PDZRN4: variants seen among roughly 807,000 people sequenced by gnomAD.
PDZRN4 encodes PDZ domain containing ring finger 4.
PDZRN4 carries 70 observed loss-of-function variants against 99.0 expected under a neutral mutation model. The ratio of observed to expected loss-of-function variants is 0.71; its 90% CI spans 0.58 to 0.86. The LOEUF (loss-of-function observed/expected upper bound fraction) is 0.86. Ranked by LOEUF, PDZRN4 falls within the 40% of genes least tolerant of loss-of-function variation. The pLI, the probability that PDZRN4 is intolerant of heterozygous loss-of-function variation, is 0.00. For synonymous variants in PDZRN4, 551 were observed against 501.6 expected (o/e 1.10, Z -1.32); for missense variants, 1,474 against 1,331.2 (o/e 1.11, Z -1.67).
chr12:41,315,133 A>G (rs1423415747), intron 3 of PDZRN4, among the ~76,000 whole-genome samples: 1 of 152,148 alleles, frequency 6.6e-6, no homozygotes, highest in East Asian at 1.9e-4. Context: ...CCATATTTTC[A>G]GTCTGAAAGC....
In PDZRN4 at chr12:41,191,329, C is replaced by T. The variant is rs141062660; in HGVS notation, c.649-129C>T. On this transcript the variant is annotated intron_variant, in intron 1 of 9. Transcript: ENST00000402685. ...AATGTCAACCTTCTGCCACATTCAACCATCCTTAATTTTAAAGTTTTCCTC... is the reference window on the plus strand; with the variant it reads ...AATGTCAACCTTCTGCCACATTCAATCATCCTTAATTTTAAAGTTTTCCTC... 3,539 of 605,722 alleles carry T rather than the reference C, an allele frequency of 5.8e-3. 33 individuals carry two copies. The highest frequency in any genetic ancestry group is 0.023 in the South Asian group (1,135 of 49,940). The allele number at this position is 605,722 out of a possible 1,614,324, so 37.5% of individuals were successfully genotyped here. A position where few individuals can be genotyped will look rare whatever the true frequency, so the allele number is the denominator to read the frequency against.
intron 5 of PDZRN4, among the ~76,000 whole-genome samples, chr12:41,511,700 C>A (rs1474262444): frequency 1.3e-5 from 2 of 152,112 alleles, no homozygotes; most frequent in Admixed American, 6.5e-5. Context: ...TGGTTCTGCC[C>A]AGTACTCCTC....
chr12:41,362,444 C>G (rs1354176471), intron 3 of PDZRN4, among the ~76,000 whole-genome samples: 1 of 44,522 alleles, frequency 2.2e-5, no homozygotes, highest in Non-Finnish European at 9.1e-5. Flanking sequence ...ATGGAATAAG[C>G]TTGAATTTTT....
At chr12:41,343,101 G>A (rs946935983) in intron 3 of PDZRN4, among the ~76,000 whole-genome samples, 5 of 151,892 alleles carry the variant, frequency 3.3e-5, no homozygotes, top group Admixed American at 3.3e-4. Flanking sequence ...AGGATATAAT[G>A]TTAAGTGAAA....
intron 3 of PDZRN4, among the ~76,000 whole-genome samples, chr12:41,205,239 G>A (rs1950840851): frequency 6.6e-6 from 1 of 151,842 alleles, no homozygotes; most frequent in Non-Finnish European, 1.5e-5. Flanking sequence ...GTAACAAACT[G>A]TTCGTGACCT....
chr12:41,208,212 A>G lies in PDZRN4; in HGVS notation c.843+14024A>G, dbSNP rs114176958. Among the ~76,000 whole-genome samples, 1,032 of 152,040 alleles carry G rather than the reference A, an allele frequency of 6.8e-3. 7 individuals carry two copies. Among genetic ancestry groups the G allele is most frequent in the African/African-American group, 0.024 (997 of 41,552 alleles). The stretch of plus-strand genomic sequence containing the variant: ...ATCTATTGGAAATATCTGACGTGAC[A>G]AAATAGAAGTCTTTAAGTGTAAGCT... On this transcript the variant is annotated intron_variant, in intron 3 of 9. Transcript: ENST00000402685.
At chr12:41,266,400 T>C (rs1951277353) in intron 3 of PDZRN4, among the ~76,000 whole-genome samples, 1 of 152,068 alleles carries the variant, frequency 6.6e-6, no homozygotes, top group Non-Finnish European at 1.5e-5. Context: ...TAACTGAAAC[T>C]GAGAATCCCA....
At chr12:41,570,151 C>T (rs1413704808) in intron 9 of PDZRN4, among the ~76,000 whole-genome samples, 1 of 152,046 alleles carries the variant, frequency 6.6e-6, no homozygotes, top group Non-Finnish European at 1.5e-5. Context: ...CACTAGATGC[C>T]TCTGAGGTTA....
intron 3 of PDZRN4, among the ~76,000 whole-genome samples, chr12:41,195,713 G>T (rs1444632426): frequency 2.0e-5 from 3 of 152,128 alleles, no homozygotes; most frequent in Non-Finnish European, 2.9e-5. Context: ...TTGCTATCCA[G>T]TTCATCTTGA....
At chr12:41,254,999 G>A (rs1223976015) in intron 3 of PDZRN4, among the ~76,000 whole-genome samples, 2 of 152,174 alleles carry the variant, frequency 1.3e-5, no homozygotes, top group Non-Finnish European at 2.9e-5. Flanking sequence ...AGGATTGCTT[G>A]AGCCAAGGAC....
intron 3 of PDZRN4, among the ~76,000 whole-genome samples, chr12:41,278,266 GA>G (rs1486537863): frequency 6.6e-6 from 1 of 152,142 alleles, no homozygotes; most frequent in Non-Finnish European, 1.5e-5. Flanking sequence ...AGTCATGGAA[GA>G]AAAACATAGA....
intron 7 of PDZRN4, among the ~76,000 whole-genome samples, chr12:41,557,756 G>A (rs1042553598): frequency 7.2e-5 from 11 of 151,846 alleles, no homozygotes; most frequent in Admixed American, 1.3e-4. Context: ...ATTAATGATC[G>A]TTTGGGGTCC....
chr12:41,437,889 T>C (rs1952644576), intron 3 of PDZRN4: 12 of 1,613,572 alleles, frequency 7.4e-6, no homozygotes, highest in Non-Finnish European at 1.0e-5. Context: ...TTCAGTTCAC[T>C]TGCCTTTCAG....
intron 3 of PDZRN4, among the ~76,000 whole-genome samples, chr12:41,267,326 A>G (rs1362760043): frequency 1.3e-5 from 2 of 152,168 alleles, no homozygotes; most frequent in African/African-American, 2.4e-5. Flanking sequence ...ATCAGAACCC[A>G]TCTCTAGACA....
At chr12:41,334,405 AG>A (rs370899772) in intron 3 of PDZRN4, among the ~76,000 whole-genome samples, 1 of 131,694 alleles carries the variant, frequency 7.6e-6, no homozygotes, top group African/African-American at 2.7e-5. Flanking sequence ...AAAAAAAAAA[AG>A]AAAGAAAGAA....
At chr12:41,460,211 C>G (rs1419700442) in intron 3 of PDZRN4, 1 of 577,892 alleles carries the variant, frequency 1.7e-6, no homozygotes, top group Non-Finnish European at 2.5e-6. Context: ...ATATCCTAGT[C>G]AGGTAGGTTT....
At chr12:41,365,326 G>A (rs1389277668) in intron 3 of PDZRN4, among the ~76,000 whole-genome samples, 1 of 151,954 alleles carries the variant, frequency 6.6e-6, no homozygotes, top group Non-Finnish European at 1.5e-5. Context: ...GTAATTGATT[G>A]TGCACATGAG....
chr12:41,194,321 C>A (rs564550692), intron 3 of PDZRN4, 133 bp downstream of exon 3: 95 of 635,136 alleles, frequency 1.5e-4, no homozygotes, highest in African/African-American at 8.6e-4. Context: ...AAGGCATTAT[C>A]ATTTTTACTT....
rs114940633 is a variant in PDZRN4 at position 41,529,324 on chromosome 12, C to T, written c.1203+19411C>T. Among the ~76,000 whole-genome samples, 899 of 152,208 alleles carry T rather than the reference C, an allele frequency of 5.9e-3. 8 individuals are homozygous for T. The highest frequency in any genetic ancestry group is 0.02 in the African/African-American group (838 of 41,534). On this transcript the variant is annotated intron_variant, in intron 5 of 9. Transcript: ENST00000402685. Reference sequence around the variant, plus strand: ...CATTCCCTTTATAAGCTGAAGGAAACGTGTTTGCACAGTCCTCTTTCCATG... The same window carrying T: ...CATTCCCTTTATAAGCTGAAGGAAATGTGTTTGCACAGTCCTCTTTCCATG...
Sources: gnomAD v4.1 joint callset for allele counts (sites outside exome capture counted in the v4.1 genomes callset) on GRCh38, gnomAD v4.1.1 for gene constraint, MANE v1.5 for transcripts, NCBI Gene and HGNC (gene_info 2026-07-23, HGNC 2026-07-21) for gene names.